The following CNIH3 variants were observed in gnomAD, a reference collection of about 807,000 sequenced individuals.
CNIH3 encodes cornichon family AMPA receptor auxiliary protein 3, also known as protein cornichon homolog 3.
CNIH3 carries 14 observed loss-of-function variants against 24.1 expected under a neutral mutation model. That is an observed-to-expected ratio of 0.58 (90% CI 0.38 to 0.91). The LOEUF (loss-of-function observed/expected upper bound fraction) is 0.91. CNIH3 is among the 40% of genes least tolerant of loss of function. The probability of loss-of-function intolerance (pLI) is 0.00; values close to 1 mark genes in which losing one functional copy is unlikely to be tolerated. For synonymous variants in CNIH3, 68 were observed against 73.8 expected, an observed-to-expected ratio of 0.92 and a Z score of 0.40; for missense variants, 178 against 196.8, an observed-to-expected ratio of 0.90 and a Z score of 0.57.
At chr1:224,689,515 C>G (rs1213742109) in intron 3 of CNIH3, among the ~76,000 whole-genome samples, 1 of 152,218 alleles carries the variant, frequency 6.6e-6, no homozygotes, top group East Asian at 1.9e-4. Flanking sequence ...GGCCTCCTCC[C>G]TCCCGTCTCT....
intron 3 of CNIH3, among the ~76,000 whole-genome samples, chr1:224,696,066 G>C (rs544756838): frequency 4.4e-4 from 67 of 152,296 alleles, no homozygotes; most frequent in African/African-American, 1.5e-3. Context: ...ACTGAAACAT[G>C]ATGGGGCTCA....
At chr1:224,676,087 A>G (rs1228673347) in intron 1 of CNIH3, among the ~76,000 whole-genome samples, 1 of 152,188 alleles carries the variant, frequency 6.6e-6, no homozygotes, top group Non-Finnish European at 1.5e-5. Flanking sequence ...TCTGGAAACA[A>G]CCCAAATATC....
chr1:224,453,924 GT>G (rs1675536543), intron 1 of CNIH3, among the ~76,000 whole-genome samples: 1 of 152,056 alleles, frequency 6.6e-6, no homozygotes, highest in African/African-American at 2.4e-5. Context: ...CCCGAGATCA[GT>G]TTGTTTAGAC....
intron 2 of CNIH3, among the ~76,000 whole-genome samples, chr1:224,523,497 A>G (rs1678723995): frequency 6.6e-6 from 1 of 152,218 alleles, no homozygotes; most frequent in Non-Finnish European, 1.5e-5. Flanking sequence ...GGCAAAATGA[A>G]TATATGGTGT....
At chr1:224,463,737 T>C (rs2102986947) in intron 1 of CNIH3, among the ~76,000 whole-genome samples, 1 of 149,678 alleles carries the variant, frequency 6.7e-6, no homozygotes. Context: ...ATATGTGCTT[T>C]GTGATGATTT....
chr1:224,474,766 G>A (rs370327966), intron 1 of CNIH3, among the ~76,000 whole-genome samples: 2 of 151,888 alleles, frequency 1.3e-5, no homozygotes, highest in African/African-American at 2.4e-5. Flanking sequence ...GGTGGCTCAC[G>A]CCTGTAATCC....
chr1:224,601,680 G>A (rs565927565), intron 3 of CNIH3, among the ~76,000 whole-genome samples: 3 of 152,286 alleles, frequency 2.0e-5, no homozygotes, highest in South Asian at 2.1e-4. Context: ...ACAGTACCTA[G>A]ATAGTGGATT....
chr1:224,696,235 C>T (rs1261575303), intron 3 of CNIH3, among the ~76,000 whole-genome samples: 1 of 152,184 alleles, frequency 6.6e-6, no homozygotes, highest in African/African-American at 2.4e-5. Context: ...TCATGACCTC[C>T]TTTCAAGTAG....
intron 1 of CNIH3, among the ~76,000 whole-genome samples, chr1:224,637,344 A>G (rs938797218): frequency 2.0e-5 from 3 of 152,058 alleles, no homozygotes; most frequent in African/African-American, 4.8e-5. Context: ...GAGACAGGCA[A>G]TGTGCTGCAC....
At chr1:224,625,397 A>T (rs532124335) in intron 1 of CNIH3, among the ~76,000 whole-genome samples, 32 of 150,392 alleles carry the variant, frequency 2.1e-4, no homozygotes, top group African/African-American at 2.4e-5. Context: ...AAAATAAAAT[A>T]AAAAAAAAAT....
At chr1:224,517,335 G>A (rs544129319) in intron 1 of CNIH3, among the ~76,000 whole-genome samples, 1 of 152,244 alleles carries the variant, frequency 6.6e-6, no homozygotes, top group Admixed American at 6.5e-5. Flanking sequence ...CTGAAACTCT[G>A]ATTACACACA....
intron 3 of CNIH3, among the ~76,000 whole-genome samples, chr1:224,693,849 T>A (rs1687045548): frequency 6.6e-6 from 1 of 152,242 alleles, no homozygotes; most frequent in South Asian, 2.1e-4. Flanking sequence ...CATATCAAGA[T>A]CACCTCTGGA....
At chr1:224,662,349 G>A (rs377171451) in intron 1 of CNIH3, among the ~76,000 whole-genome samples, 8 of 152,118 alleles carry the variant, frequency 5.3e-5, no homozygotes, top group African/African-American at 1.4e-4. Flanking sequence ...CATATTAAGT[G>A]CTCACTCAAG....
chr1:224,699,942 G>T (rs1171856987), intron 3 of CNIH3, among the ~76,000 whole-genome samples: 2 of 152,128 alleles, frequency 1.3e-5, no homozygotes, highest in Non-Finnish European at 2.9e-5. Context: ...GGAGGTTGTG[G>T]TTTTCTTGCC....
intron 1 of CNIH3, chr1:224,434,963 C>CCCATCCACGACCCCGACT (rs1674579323): frequency 1.5e-5 from 15 of 985,530 alleles, no homozygotes; most frequent in Non-Finnish European, 1.7e-5. Context: ...CCGCCCCGAC[C>CCCATCCACGACCCCGACT]CCATCCACGA....
At chr1:224,608,615 G>A (rs896311394) in intron 3 of CNIH3, among the ~76,000 whole-genome samples, 2 of 152,222 alleles carry the variant, frequency 1.3e-5, no homozygotes, top group African/African-American at 4.8e-5. Context: ...GTCAGGGGTC[G>A]ATCTTTAACC....
intron 2 of CNIH3, among the ~76,000 whole-genome samples, chr1:224,533,890 A>T (rs1263113296): frequency 2.0e-5 from 3 of 152,192 alleles, no homozygotes; most frequent in African/African-American, 7.2e-5. Context: ...ATAGGCTGGG[A>T]GCAGTGGCTT....
chr1:224,471,836 G>A (rs571689979), intron 1 of CNIH3, among the ~76,000 whole-genome samples: 177 of 151,618 alleles, frequency 1.2e-3, no homozygotes, highest in African/African-American at 4.1e-3. Context: ...ATGATCCACC[G>A]GCCTCGGCCT....
At chr1:224,647,485 G>A (rs1345947955) in intron 1 of CNIH3, among the ~76,000 whole-genome samples, 1 of 152,242 alleles carries the variant, frequency 6.6e-6, no homozygotes, top group African/African-American at 2.4e-5. Context: ...TGGAGACTGG[G>A]GATGGGCAGA....
Sources: gnomAD v4.1 joint callset for allele counts (sites outside exome capture counted in the v4.1 genomes callset) on GRCh38, gnomAD v4.1.1 for gene constraint, MANE v1.5 for transcripts, NCBI Gene and HGNC (gene_info 2026-07-23, HGNC 2026-07-21) for gene names.